BANK1: variants seen among roughly 807,000 people sequenced by gnomAD.
BANK1 encodes the protein B-cell scaffold protein with ankyrin repeats.
Under a neutral mutation model 94.5 loss-of-function variants are expected in BANK1, and 95 were observed. That is an observed-to-expected ratio of 1.00 (90% CI 0.85 to 1.19). The LOEUF is 1.19. Ranked by LOEUF, BANK1 falls within the 50% of genes most tolerant of loss-of-function variation. The pLI is 0.00. For missense variants in BANK1, 987 were observed against 932.2 expected (o/e 1.06, Z -0.77); for synonymous variants, 334 against 308.4 (o/e 1.08, Z -0.87).
At chr4:101,826,027 A>G (rs1355397000) in intron 1 of BANK1, among the ~76,000 whole-genome samples, 1 of 152,078 alleles carries the variant, frequency 6.6e-6, no homozygotes, top group Admixed American at 6.5e-5. Context: ...ACATCTACTC[A>G]TAGCTTATTC....
chr4:102,066,901 A>G (rs930974340), intron 13 of BANK1, among the ~76,000 whole-genome samples: 2 of 152,216 alleles, frequency 1.3e-5, no homozygotes, highest in Non-Finnish European at 2.9e-5. Context: ...AGAAGGAAAT[A>G]TGAAAGCAAT....
At chr4:101,822,926 T>C (rs1205980898) in intron 1 of BANK1, among the ~76,000 whole-genome samples, 2 of 152,176 alleles carry the variant, frequency 1.3e-5, no homozygotes, top group Admixed American at 6.5e-5. Context: ...CCACATTTTC[T>C]TTATCCAGCC....
chr4:101,870,755 T>C, intron 5 of BANK1, 111 bp downstream of exon 5: 1 of 1,221,486 alleles, frequency 8.2e-7, no homozygotes, highest in Non-Finnish European at 1.1e-6. Flanking sequence ...TAACAGTGAA[T>C]TACTACCAAT....
intron 6 of BANK1, among the ~76,000 whole-genome samples, chr4:101,907,969 A>G (rs6532978): frequency 0.85 from 129,267 of 152,106 alleles, 55,211 homozygotes; most frequent in Non-Finnish European, 0.89. Flanking sequence ...TCGTGAAAAT[A>G]GCCATACTGC....
chr4:101,808,712 C>T (rs540750538), intron 1 of BANK1, among the ~76,000 whole-genome samples: 1 of 151,586 alleles, frequency 6.6e-6, no homozygotes, highest in South Asian at 2.1e-4. Flanking sequence ...AGACAGTTAC[C>T]AAAAGAAGAT....
At chr4:101,980,152 C>T (rs1578433873) in intron 7 of BANK1, among the ~76,000 whole-genome samples, 1 of 151,506 alleles carries the variant, frequency 6.6e-6, no homozygotes, top group African/African-American at 2.4e-5. Flanking sequence ...TTTTGTGTTG[C>T]CAAGTTCATT....
At chr4:101,950,058 T>TGCGCGC (rs1331973850) in intron 7 of BANK1, among the ~76,000 whole-genome samples, 1 of 136,994 alleles carries the variant, frequency 7.3e-6, no homozygotes, top group African/African-American at 3.4e-5. Context: ...TGTGTGTGTG[T>TGCGCGC]GTGCGCGTGC....
chr4:102,055,687 C>T (rs963373409), intron 11 of BANK1, among the ~76,000 whole-genome samples: 6 of 151,690 alleles, frequency 4.0e-5, no homozygotes, highest in Admixed American at 1.3e-4. Flanking sequence ...ATTAGTTTGG[C>T]GACATCATGA....
rs989919079 is a variant in BANK1 at position 102,018,650 on chromosome 4, A to G, written c.1207-2864A>G. On this transcript the variant is annotated intron_variant, in intron 7 of 16. Transcript: ENST00000322953. ...AGGACTATCTGTGGGTTGAAATATT[A>G]CATTAAGCATGTTCAGCTAATAGAT... 2.0e-5 allele frequency among the ~76,000 whole-genome samples: 3 copies of G among 152,202 alleles called. No homozygotes were observed. In the East Asian group the frequency reaches 5.8e-4, roughly 29 times the overall value.
At chr4:102,001,751 G>A (rs932034470) in intron 7 of BANK1, among the ~76,000 whole-genome samples, 4 of 152,200 alleles carry the variant, frequency 2.6e-5, no homozygotes, top group African/African-American at 7.2e-5. Context: ...ATTGTGGCCA[G>A]ATTGCCTCAG....
At position 102,060,470 on chromosome 4, in the gene BANK1, A is replaced by C; in HGVS notation, c.2148+81A>C. 2.1e-6 allele frequency: 3 copies of C among 1,432,452 alleles called. 1 individual carries two copies. In the South Asian group the frequency reaches 4.0e-5, roughly 19 times the overall value. The allele number at this position is 1,432,452 out of a possible 1,614,324, so 88.7% of individuals were successfully genotyped here. A position where few individuals can be genotyped will look rare whatever the true frequency, so the allele number is the denominator to read the frequency against. On this transcript the variant is annotated intron_variant, in intron 12 of 16. Coordinates refer to ENST00000322953, the MANE Select transcript of BANK1 (RefSeq NM_017935.5). ...TGTTAATGTTTAATTTTCATGAGGA[A>C]TACAGGTAACTGTTCTTTCATTTTT...
chr4:101,864,043 A>G (rs574629272), intron 4 of BANK1, among the ~76,000 whole-genome samples: 6 of 152,302 alleles, frequency 3.9e-5, no homozygotes, highest in Non-Finnish European at 1.5e-5. Flanking sequence ...AAAAGCAGAA[A>G]ATGAATATGC....
chr4:101,849,629 T>A lies in BANK1; in HGVS notation c.470-5406T>A, dbSNP rs189532243. Among the ~76,000 whole-genome samples the A allele has an allele frequency of 4.8e-4, 73 of 152,220 alleles. 1 individual carries two copies. The highest frequency in any genetic ancestry group is 9.7e-4 in the Non-Finnish European group (66 of 68,000). The stretch of plus-strand genomic sequence containing the variant: ...TATTAACACATACTATATAAAAAAA[T>A]TTATGTGTGTGTATATATACACAAT... On this transcript the variant is annotated intron_variant, in intron 2 of 16. Transcript: ENST00000322953.
intron 11 of BANK1, among the ~76,000 whole-genome samples, chr4:102,059,799 CTG>C (rs1728351358): frequency 6.6e-6 from 1 of 152,158 alleles, no homozygotes; most frequent in African/African-American, 2.4e-5. Flanking sequence ...GATAGAAAGA[CTG>C]TTTATTCTAA....
chr4:102,008,326 G>A (rs1050713539), intron 7 of BANK1, among the ~76,000 whole-genome samples: 2 of 152,130 alleles, frequency 1.3e-5, no homozygotes, highest in African/African-American at 4.8e-5. Context: ...TCACGATATC[G>A]GTGAAACTCC....
chr4:102,010,000 C>T (rs1298688866), intron 7 of BANK1, among the ~76,000 whole-genome samples: 2 of 152,182 alleles, frequency 1.3e-5, no homozygotes, highest in South Asian at 2.1e-4. Flanking sequence ...GGTGCCGTGG[C>T]TCACGCCTGT....
At chr4:101,976,228 T>G (rs1039065775) in intron 7 of BANK1, among the ~76,000 whole-genome samples, 3 of 152,144 alleles carry the variant, frequency 2.0e-5, no homozygotes, top group African/African-American at 4.8e-5. Context: ...TGTCTCTGGA[T>G]CTATACTTCA....
chr4:102,011,770 A>AT (rs1260730582), intron 7 of BANK1, among the ~76,000 whole-genome samples: 2 of 152,120 alleles, frequency 1.3e-5, no homozygotes, highest in Non-Finnish European at 2.9e-5. Flanking sequence ...TAAGAGGTTC[A>AT]TTTTTTATCA....
intron 7 of BANK1, among the ~76,000 whole-genome samples, chr4:101,943,858 A>G (rs1290811799): frequency 5.9e-5 from 9 of 151,916 alleles, no homozygotes. Flanking sequence ...TTTGAATACT[A>G]CTTGACGGTT....
Sources: allele counts gnomAD v4.1 joint callset (sites outside exome capture counted in the v4.1 genomes callset), GRCh38; gene constraint gnomAD v4.1.1; transcripts MANE v1.5; gene names NCBI Gene and HGNC (gene_info 2026-07-23, HGNC 2026-07-21).